Variants in EBF3 observed in about 807,000 individuals in gnomAD.
EBF3 encodes EBF transcription factor 3, also known as transcription factor COE3.
In EBF3, 18 loss-of-function variants were observed where a neutral mutation model predicts 77.1. The observed-to-expected ratio is 0.23, with a 90% confidence interval of 0.16 to 0.35. EBF3 has a LOEUF of 0.35. Ranked by LOEUF, EBF3 falls within the 10% of genes least tolerant of loss-of-function variation. The pLI is 1.00. For missense variants in EBF3, 558 were observed against 860.0 expected, an observed-to-expected ratio of 0.65 and a Z score of 4.39; for synonymous variants, 350 against 343.5, an observed-to-expected ratio of 1.02 and a Z score of -0.21.
intron 10 of EBF3, among the ~76,000 whole-genome samples, chr10:129,862,936 T>G (rs531781510): frequency 6.6e-6 from 1 of 152,358 alleles, no homozygotes; most frequent in South Asian, 2.1e-4. Flanking sequence ...CTGGGACTAT[T>G]TTAATTACTA....
At chr10:129,911,036 C>T (rs1453998833) in intron 6 of EBF3, among the ~76,000 whole-genome samples, 1 of 152,232 alleles carries the variant, frequency 6.6e-6, no homozygotes, top group Non-Finnish European at 1.5e-5. Flanking sequence ...GTACCACCGC[C>T]CACTGCCCAC....
At chr10:129,856,992 G>A (rs1360468776) in intron 10 of EBF3, among the ~76,000 whole-genome samples, 1 of 152,170 alleles carries the variant, frequency 6.6e-6, no homozygotes, top group African/African-American at 2.4e-5. Context: ...AAAGCACAGG[G>A]CTCCGCACAG....
chr10:129,890,319 G>A (rs1333391610), intron 6 of EBF3, among the ~76,000 whole-genome samples: 2 of 152,312 alleles, frequency 1.3e-5, no homozygotes, highest in South Asian at 2.1e-4. Context: ...GAGACCCCAG[G>A]CGGCAGGCCG....
intron 5 of EBF3, among the ~76,000 whole-genome samples, chr10:129,958,197 T>C (rs1859184668): frequency 6.6e-6 from 1 of 152,268 alleles, no homozygotes. Context: ...AGAAATGGCA[T>C]TTAGGCAACC....
Position 129,873,593 on chromosome 10 carries a change from C to T in EBF3, c.640G>A (p.Val214Ile). ...NPRDMRRFQVVVSTTVNVDGH... is the reference protein window; with the variant it reads ...NPRDMRRFQVIVSTTVNVDGH... ...TCCACGTTGACTGTTGTCGATACAACAACCTGCAAAGATGAAGTGGATTTG... is the reference window on the plus strand; with the variant it reads ...TCCACGTTGACTGTTGTCGATACAATAACCTGCAAAGATGAAGTGGATTTG... The change falls in exon 8 of 17, where the codon GTT (valine) becomes ATT (isoleucine). Residue 214 changes from valine (V) to isoleucine (I), a missense_variant. Transcript: ENST00000440978. The T allele has an allele frequency of 1.3e-6, 2 of 1,532,470 alleles. No individual in the cohort carries two copies. Among genetic ancestry groups the T allele is most frequent in the Non-Finnish European group, 1.8e-6 (2 of 1,137,352 alleles). 94.9% of individuals were successfully genotyped at this position (1,532,470 alleles called of 1,614,324 possible). A position where few individuals can be genotyped will look rare whatever the true frequency, so the allele number is the denominator to read the frequency against.
intron 6 of EBF3, among the ~76,000 whole-genome samples, chr10:129,915,483 CACACACACACACACAA>C (rs1424178009): frequency 3.3e-5 from 4 of 122,930 alleles, no homozygotes; most frequent in East Asian, 4.9e-4. Context: ...CACACACACA[CACACACACACACACAA>C]AAAAGCCAAG....
intron 6 of EBF3, among the ~76,000 whole-genome samples, chr10:129,895,002 G>A (rs1854270256): frequency 6.6e-6 from 1 of 152,210 alleles, no homozygotes; most frequent in Non-Finnish European, 1.5e-5. Flanking sequence ...TCATGGCAGA[G>A]GCTGTAAAGC....
chr10:129,888,655 G>C (rs1165375126), intron 6 of EBF3, among the ~76,000 whole-genome samples: 1 of 152,132 alleles, frequency 6.6e-6, no homozygotes, highest in Non-Finnish European at 1.5e-5. Flanking sequence ...CTCTGAGAAG[G>C]TTTTCTTTAA....
At chr10:129,852,306 G>C (rs754179784) in intron 10 of EBF3, among the ~76,000 whole-genome samples, 1 of 152,200 alleles carries the variant, frequency 6.6e-6, no homozygotes, top group African/African-American at 2.4e-5. Flanking sequence ...AGTCATGCCC[G>C]TGTACTGGGG....
intron 10 of EBF3, among the ~76,000 whole-genome samples, chr10:129,851,350 C>G (rs554158364): frequency 2.6e-5 from 4 of 152,244 alleles, no homozygotes; most frequent in South Asian, 2.1e-4. Context: ...GTCCTCCCCC[C>G]ACCCTCACAT....
chr10:129,889,661 G>A (rs1290948842), intron 6 of EBF3, among the ~76,000 whole-genome samples: 1 of 152,110 alleles, frequency 6.6e-6, no homozygotes, highest in Non-Finnish European at 1.5e-5. Context: ...ACTTTCTAAT[G>A]ACCAGATATC....
At chr10:129,872,466 G>A (rs972061840) in intron 8 of EBF3, among the ~76,000 whole-genome samples, 8 of 152,100 alleles carry the variant, frequency 5.3e-5, no homozygotes, top group African/African-American at 1.9e-4. Flanking sequence ...TATATTTCAC[G>A]CTGATAATCT....
chr10:129,841,198 C>G lies in EBF3; in HGVS notation c.1373-166G>C, dbSNP rs1049536402. On this transcript the variant is annotated intron_variant, in intron 13 of 16. Coordinates refer to ENST00000440978, the MANE Select transcript of EBF3 (RefSeq NM_001375380.1). This position sits in a 1 kb window ranked among gnomAD's most constrained non-coding sequence, Gnocchi z 4.6. ...GCTCGGATGACCTTATCACGCCAAC[C>G]CTGCTGCCACTGTCTCACCGTGAGC... is the stretch of plus-strand genomic sequence containing the variant. Among the ~76,000 whole-genome samples, 1 of 152,182 alleles carries G rather than the reference C, an allele frequency of 6.6e-6. No individual in the cohort carries two copies. The highest frequency in any genetic ancestry group is 2.4e-5 in the African/African-American group (1 of 41,448).
rs997379307 is a variant in EBF3 at position 129,840,526 on chromosome 10, G to C, written c.1562-84C>G. ...GGCACCAAAGGCCTCGCCTCGGACG[G>C]GGGGGCAGGGGCACGAAAACAAAAC... On this transcript the variant is annotated intron_variant, in intron 14 of 16. Transcript: ENST00000440978. 21 of 1,433,444 alleles carry C rather than the reference G, an allele frequency of 1.5e-5. 1 individual carries two copies. In the South Asian group the frequency reaches 2.6e-4, roughly 18 times the overall value. The allele number at this position is 1,433,444 out of a possible 1,614,324, so 88.8% of individuals were successfully genotyped here. A position where few individuals can be genotyped will look rare whatever the true frequency, so the allele number is the denominator to read the frequency against.
intron 9 of EBF3, among the ~76,000 whole-genome samples, chr10:129,867,540 T>C (rs1430293972): frequency 6.6e-6 from 1 of 152,188 alleles, no homozygotes; most frequent in Admixed American, 6.5e-5. Context: ...TTCTCGTAAT[T>C]CTAGCACTAA....
chr10:129,893,001 C>A (rs1260618496), intron 6 of EBF3, among the ~76,000 whole-genome samples: 2 of 152,258 alleles, frequency 1.3e-5, no homozygotes, highest in African/African-American at 4.8e-5. Context: ...GGAACAGGCT[C>A]CTGCCTGAAT....
intron 6 of EBF3, among the ~76,000 whole-genome samples, chr10:129,926,066 G>T (rs1267068607): frequency 1.3e-5 from 2 of 152,242 alleles, no homozygotes; most frequent in Non-Finnish European, 1.5e-5. Flanking sequence ...TCTGAGGACA[G>T]GGGGCGTGAC....
rs756305284 is a variant in EBF3, at chr10:129,840,810, T to C, written c.1561+34A>G. 5.0e-6 allele frequency: 8 copies of C among 1,596,700 alleles called. No individual in the cohort carries two copies. The South Asian group carries it at 7.9e-5, about 16-fold the overall frequency. On this transcript the variant is annotated intron_variant, in intron 14 of 16. Transcript: ENST00000440978. ...CTCGACTCGGTAGTGAATATGAATCTGCGTGATGACGTGTGACAAAAACAG... is the reference window on the plus strand; with the variant it reads ...CTCGACTCGGTAGTGAATATGAATCCGCGTGATGACGTGTGACAAAAACAG...
Position 129,963,222 on chromosome 10 carries a change from C to T in EBF3, c.291+145G>A. 1 of 1,265,800 alleles carries T rather than the reference C, an allele frequency of 7.9e-7. No individual in the cohort carries two copies. The highest frequency in any genetic ancestry group is 3.0e-5 in the East Asian group (1 of 33,692). 78.4% of individuals were successfully genotyped at this position (1,265,800 alleles called of 1,614,324 possible). A position where few individuals can be genotyped will look rare whatever the true frequency, so the allele number is the denominator to read the frequency against. Reference sequence around the variant, plus strand: ...GAGAAGTTGCCCAGCCCTCGGCGGTCCCGGGCGGCCGCACGTGGCGGCGGC... The same window carrying T: ...GAGAAGTTGCCCAGCCCTCGGCGGTTCCGGGCGGCCGCACGTGGCGGCGGC... On this transcript the variant is annotated intron_variant, in intron 2 of 16. Transcript: ENST00000440978. The surrounding 1 kb of genome is among the most constrained non-coding windows in gnomAD (Gnocchi z 7.1).
Sources: allele counts gnomAD v4.1 joint callset (sites outside exome capture counted in the v4.1 genomes callset), GRCh38; gene constraint gnomAD v4.1.1; non-coding constraint Gnocchi (gnomAD v3.1); transcripts MANE v1.5; gene names NCBI Gene and HGNC (gene_info 2026-07-23, HGNC 2026-07-21).